SMOC1: variants seen among roughly 807,000 people sequenced by gnomAD.
The protein encoded by SMOC1 is SPARC-related modular calcium-binding protein 1.
In SMOC1, 22 loss-of-function variants were observed where a neutral mutation model predicts 56.3. That is an observed-to-expected ratio of 0.39 (90% confidence interval 0.28 to 0.56). The LOEUF is 0.56. SMOC1 is among the 20% of genes least tolerant of loss of function. The probability of loss-of-function intolerance (pLI) is 0.61; values close to 1 mark genes in which losing one functional copy is unlikely to be tolerated. For missense variants in SMOC1, 509 were observed against 565.4 expected, an observed-to-expected ratio of 0.90 and a Z score of 1.01; for synonymous variants, 193 against 215.0, an observed-to-expected ratio of 0.90 and a Z score of 0.89.
chr14:70,016,558 G>A (rs1885520240), intron 10 of SMOC1, among the ~76,000 whole-genome samples: 1 of 152,168 alleles, frequency 6.6e-6, no homozygotes, highest in African/African-American at 2.4e-5. Flanking sequence ...TAGCTGTCAG[G>A]ATTACCAGTG....
chr14:70,020,147 T>C (rs1885656254), intron 10 of SMOC1, among the ~76,000 whole-genome samples: 1 of 133,152 alleles, frequency 7.5e-6, no homozygotes, highest in Non-Finnish European at 1.7e-5. Context: ...TGTTTTGTTT[T>C]TGTCTTTTTT....
In SMOC1 at chr14:70,010,590, C is replaced by T. The variant is rs542805395; in HGVS notation, c.665-164C>T. Among the ~76,000 whole-genome samples the T allele has an allele frequency of 3.3e-5, 5 of 152,330 alleles. No individual in the cohort carries two copies. In the South Asian group the frequency reaches 6.2e-4, roughly 19 times the overall value. The stretch of plus-strand genomic sequence containing the variant: ...GAACCTCCAGGCCCCTCAGCATGCG[C>T]TGGCATGGGAGACAGCTCTCTGTGG... On this transcript the variant is annotated intron_variant, in intron 7 of 11. Coordinates refer to ENST00000361956, the MANE Select transcript of SMOC1 (RefSeq NM_001034852.3).
intron 1 of SMOC1, chr14:69,885,898 G>C (rs1883791869): frequency 2.5e-6 from 4 of 1,598,008 alleles, no homozygotes; most frequent in African/African-American, 2.7e-5. Context: ...GGGTGAACTG[G>C]TTAATCGCAG....
chr14:69,897,847 T>A (rs1490748307), intron 1 of SMOC1, among the ~76,000 whole-genome samples: 1 of 152,216 alleles, frequency 6.6e-6, no homozygotes, highest in Non-Finnish European at 1.5e-5. Flanking sequence ...AATACAAGTT[T>A]TAATTTTGCC....
At chr14:70,013,304 T>G in intron 9 of SMOC1, 82 bp from the exon 10 acceptor site, 1 of 1,273,252 alleles carries the variant, frequency 7.9e-7, no homozygotes, top group South Asian at 1.2e-5. Context: ...CTTTGAGAAG[T>G]TTAGGAAAGG....
In SMOC1 at chr14:70,010,773, C is replaced by A. The variant is rs1885304845; in HGVS notation, c.684C>A (p.Asp228Glu). The A allele has an allele frequency of 6.2e-7, 1 of 1,614,180 alleles. No individual in the cohort carries two copies. Among genetic ancestry groups the A allele is most frequent in the Non-Finnish European group, 8.5e-7 (1 of 1,180,032 alleles). ...IRNSEKVYSC[D>E]QERQSALEEA... ...TTGCAGAGAAAGTCTATTCGTGTGA[C>A]CAGGAGAGGCAGAGTGCCCTGGAAG... is the stretch of plus-strand genomic sequence containing the variant. Residue 228 changes from aspartate to glutamate, a missense_variant, in exon 8 of 12, where the codon GAC (aspartate) becomes GAA (glutamate). Asp to Glu is a conservative substitution (Grantham distance 45). Coordinates refer to ENST00000361956, the MANE Select transcript of SMOC1 (RefSeq NM_001034852.3).
chr14:70,005,462 C>G (rs1286620854), intron 7 of SMOC1, among the ~76,000 whole-genome samples: 2 of 152,272 alleles, frequency 1.3e-5, no homozygotes, highest in East Asian at 3.9e-4. Context: ...TTTTTCCTCT[C>G]CTGTCTCCTG....
intron 1 of SMOC1, among the ~76,000 whole-genome samples, chr14:69,921,220 C>T (rs1884832589): frequency 6.6e-6 from 1 of 152,168 alleles, no homozygotes; most frequent in Admixed American, 6.5e-5. Context: ...CTCCACAGCC[C>T]CCAGCGCCGC....
chr14:69,989,581 A>G (rs1884489461), intron 5 of SMOC1, among the ~76,000 whole-genome samples: 1 of 152,244 alleles, frequency 6.6e-6, no homozygotes, highest in South Asian at 2.1e-4. Flanking sequence ...GTAGGCAGGT[A>G]TCCTTCAATT....
At chr14:69,992,318 C>A (rs182184555) in intron 5 of SMOC1, 99 bp from the exon 6 acceptor site, 6 of 1,147,724 alleles carry the variant, frequency 5.2e-6, no homozygotes, top group Middle Eastern at 2.0e-4. Context: ...CTTGGCCGGG[C>A]CTTGTACAAA....
chr14:69,938,118 G>A (rs1352611762), intron 1 of SMOC1, among the ~76,000 whole-genome samples: 1 of 152,088 alleles, frequency 6.6e-6, no homozygotes, highest in African/African-American at 2.4e-5. Context: ...GTATGCCATA[G>A]GATTTCACCC....
chr14:69,883,080 A>G (rs1883688501), intron 1 of SMOC1, among the ~76,000 whole-genome samples: 1 of 152,240 alleles, frequency 6.6e-6, no homozygotes, highest in Non-Finnish European at 1.5e-5. Flanking sequence ...ACATTATGAA[A>G]TAGTTAAATC....
intron 3 of SMOC1, among the ~76,000 whole-genome samples, chr14:69,956,133 A>G (rs1883176270): frequency 6.6e-6 from 1 of 152,210 alleles, no homozygotes; most frequent in Admixed American, 6.5e-5. Context: ...TTGCTAAACG[A>G]GAGAGTCCCT....
rs148731628 is a variant in SMOC1, at chr14:69,992,421, C to T, written c.531C>T (p.Asp177=). Residue 177 remains aspartate (D), a synonymous_variant, in exon 6 of 12, where the codon GAC becomes GAT. Transcript: ENST00000361956. ...LSQGNSGRKD[D]GSKPTPTMET... Reference sequence around the variant, plus strand: ...TCTTTTTAACCCTCAATTCAGATGACGGGTCTAAGCCGACACCCACGATGG... The same window carrying T: ...TCTTTTTAACCCTCAATTCAGATGATGGGTCTAAGCCGACACCCACGATGG... 22 of 1,613,788 alleles carry T rather than the reference C, an allele frequency of 1.4e-5. No homozygotes were observed. The highest frequency in any genetic ancestry group is 3.3e-5 in the Admixed American group (2 of 59,990).
In SMOC1 at chr14:69,919,091, G is replaced by C. The variant is rs1594801189; in HGVS notation, c.100-33047G>C. 2.0e-5 allele frequency among the ~76,000 whole-genome samples: 3 copies of C among 152,314 alleles called. No individual in the cohort carries two copies. In the South Asian group the frequency reaches 6.2e-4, roughly 32 times the overall value. On this transcript the variant is annotated intron_variant, in intron 1 of 11. Coordinates refer to ENST00000361956, the MANE Select transcript of SMOC1 (RefSeq NM_001034852.3). ...ACACTTGAGGTGGGTTTGTTGAGAA[G>C]TTCTGACTTAGGGTTACTTTTTGCA...
chr14:69,919,910 A>ACCC (rs36119349), intron 1 of SMOC1, among the ~76,000 whole-genome samples: 25 of 116,476 alleles, frequency 2.1e-4, no homozygotes, highest in African/African-American at 7.1e-4. Flanking sequence ...GAACACAAAT[A>ACCC]CCCCCCCCCC....
At chr14:69,898,287 G>C (rs1383709980) in intron 1 of SMOC1, among the ~76,000 whole-genome samples, 1 of 152,096 alleles carries the variant, frequency 6.6e-6, no homozygotes, top group Non-Finnish European at 1.5e-5. Context: ...CTGGCTTAGT[G>C]TTCTCTCTGA....
intron 8 of SMOC1, 124 bp downstream of exon 8, chr14:70,011,070 T>A: frequency 9.3e-7 from 1 of 1,079,666 alleles, no homozygotes; most frequent in Non-Finnish European, 1.4e-6. Context: ...ATGTTTTCAA[T>A]GAGTAGAAGA....
chr14:70,017,956 C>T (rs1885577156), intron 10 of SMOC1, among the ~76,000 whole-genome samples: 2 of 152,126 alleles, frequency 1.3e-5, no homozygotes, highest in Non-Finnish European at 2.9e-5. Context: ...AAGGGCCTTC[C>T]AGCAGAGGGG....
Sources: gnomAD v4.1 joint callset for allele counts (sites outside exome capture counted in the v4.1 genomes callset) on GRCh38, gnomAD v4.1.1 for gene constraint, MANE v1.5 for transcripts, NCBI Gene and HGNC (gene_info 2026-07-23, HGNC 2026-07-21) for gene names.